Variants in LCOR observed in about 807,000 individuals in gnomAD.
The protein encoded by LCOR is ligand-dependent corepressor.
In LCOR, 14 loss-of-function variants were observed where a neutral mutation model predicts 64.4. The observed-to-expected ratio is 0.22, with a 90% CI of 0.14 to 0.34. LCOR has a LOEUF of 0.34. LCOR is among the 10% of genes least tolerant of loss of function. LCOR has a pLI of 1.00. For synonymous variants in LCOR, 643 were observed against 642.5 expected (o/e 1.00, Z -0.01); for missense variants, 1,686 against 1,765.3 (o/e 0.96, Z 0.80).
At position 96,982,496 on chromosome 10, in the gene LCOR, G is replaced by C; in HGVS notation, c.2036G>C (p.Gly679Ala). 6.2e-7 allele frequency: 1 copy of C among 1,614,152 alleles called. No individual in the cohort carries two copies. Among genetic ancestry groups the C allele is most frequent in the Non-Finnish European group, 8.5e-7 (1 of 1,180,042 alleles). ...HLLPSTESFSGGVSEDVISRP... is the reference protein window; with the variant it reads ...HLLPSTESFSAGVSEDVISRP... ...CTTCCCTCCACTGAAAGCTTTTCCG[G>C]GGGAGTCAGTGAAGATGTCATTTCT... The change falls in exon 8 of 8, where the codon GGG (glycine) becomes GCG (alanine). Residue 679 changes from glycine (G) to alanine (A), a missense_variant. This residue lies in a region of LCOR where 1,293 missense variants were observed against 1,410.4 expected (regional missense o/e 0.92). Transcript: ENST00000421806.
intron 7 of LCOR, chr10:96,959,625 G>C (rs1437875973): frequency 6.6e-6 from 1 of 152,086 alleles, no homozygotes; most frequent in African/African-American, 2.4e-5. Flanking sequence ...AAGTGACTCT[G>C]AATTATGTTT....
At chr10:96,912,833 C>G (rs1435293350) in intron 4 of LCOR, among the ~76,000 whole-genome samples, 1 of 151,766 alleles carries the variant, frequency 6.6e-6, no homozygotes, top group Non-Finnish European at 1.5e-5. Context: ...TCCATAATTT[C>G]TTCTACATTT....
chr10:96,958,658 A>G, intron 7 of LCOR: 1 of 550,792 alleles, frequency 1.8e-6, no homozygotes, highest in Middle Eastern at 4.9e-4. Flanking sequence ...TTTAAACATT[A>G]CACTTGAGAT....
intron 2 of LCOR, among the ~76,000 whole-genome samples, chr10:96,837,866 GA>G (rs1461643835): frequency 2.6e-5 from 4 of 152,306 alleles, no homozygotes; most frequent in African/African-American, 9.6e-5. Context: ...ATGTGCCTCT[GA>G]ACCTCTCTCT....
chr10:96,981,142 C>T lies in LCOR; in HGVS notation c.682C>T (p.Pro228Ser). 1.4e-6 allele frequency: 1 copy of T among 707,368 alleles called. No homozygotes were observed. The highest frequency in any genetic ancestry group is 2.6e-6 in the Non-Finnish European group (1 of 388,974). The allele number at this position is 707,368 out of a possible 1,614,324, so 43.8% of individuals were successfully genotyped here. The change falls in exon 8 of 8, where the codon CCT (proline) becomes TCT (serine). Residue 228 changes from proline (P) to serine (S), a missense_variant. Pro to Ser is a moderately conservative substitution (Grantham distance 74). This residue lies in a region of LCOR where 313 missense variants were observed against 247.2 expected (regional missense o/e 1.27). Coordinates refer to ENST00000421806, the MANE Select transcript of LCOR (RefSeq NM_001346516.2). ...GGAACAGACCCCGAAGAAGCCTCCTCCTGAGATAAACCCTGTAGATGGAAG... is the reference window on the plus strand; with the variant it reads ...GGAACAGACCCCGAAGAAGCCTCCTTCTGAGATAAACCCTGTAGATGGAAG... Reference protein sequence around the residue: ...LTEQTPKKPPPEINPVDGREN... With the variant: ...LTEQTPKKPPSEINPVDGREN...
chr10:96,834,879 G>GTGTTTT (rs899218254), intron 2 of LCOR, among the ~76,000 whole-genome samples: 14 of 152,060 alleles, frequency 9.2e-5, no homozygotes, highest in South Asian at 6.2e-4. Context: ...TTGACAAGAT[G>GTGTTTT]TGTTTTTGTT....
intron 2 of LCOR, among the ~76,000 whole-genome samples, chr10:96,874,266 T>G (rs527238424): frequency 6.6e-6 from 1 of 152,344 alleles, no homozygotes; most frequent in Admixed American, 6.5e-5. Flanking sequence ...TCATTAAAGA[T>G]TCTTCTGATT....
At chr10:96,863,858 C>A (rs1019809376) in intron 2 of LCOR, among the ~76,000 whole-genome samples, 1 of 152,160 alleles carries the variant, frequency 6.6e-6, no homozygotes, top group African/African-American at 2.4e-5. Context: ...ATGATGCTAT[C>A]TTTTGTCTCT....
chr10:96,872,500 C>G (rs1307762470), intron 2 of LCOR, among the ~76,000 whole-genome samples: 2 of 152,104 alleles, frequency 1.3e-5, no homozygotes, highest in African/African-American at 2.4e-5. Context: ...CGACACCAGC[C>G]TGGGCAACAT....
intron 2 of LCOR, among the ~76,000 whole-genome samples, chr10:96,880,917 C>CA (rs1846251866): frequency 6.6e-6 from 1 of 152,100 alleles, no homozygotes; most frequent in Non-Finnish European, 1.5e-5. Flanking sequence ...TCAAGTCTTT[C>CA]AAGAATCAAA....
intron 7 of LCOR, among the ~76,000 whole-genome samples, chr10:96,966,158 G>T (rs12241564): frequency 0.1 from 14,552 of 140,358 alleles, 830 homozygotes; most frequent in African/African-American, 0.14. Context: ...TGGAGAAAAT[G>T]GAAACTTTTT....
intron 7 of LCOR, chr10:96,963,284 CTA>C (rs1169397834): frequency 1.3e-5 from 2 of 152,092 alleles, no homozygotes; most frequent in Non-Finnish European, 2.9e-5. Flanking sequence ...CACAGTTAAA[CTA>C]TATATTTTTA....
chr10:96,976,643 TAG>T (rs1306756586), intron 7 of LCOR, among the ~76,000 whole-genome samples: 3 of 152,222 alleles, frequency 2.0e-5, no homozygotes, highest in Non-Finnish European at 2.9e-5. Flanking sequence ...AGCAGCAGAT[TAG>T]AGTCTCACAA....
intron 4 of LCOR, among the ~76,000 whole-genome samples, chr10:96,933,383 A>G (rs1485909114): frequency 6.6e-6 from 1 of 152,244 alleles, no homozygotes; most frequent in African/African-American, 2.4e-5. Flanking sequence ...GAAACTATAG[A>G]TGATTGTGGC....
intron 7 of LCOR, among the ~76,000 whole-genome samples, chr10:96,978,434 T>G (rs905885563): frequency 2.6e-5 from 4 of 152,272 alleles, no homozygotes; most frequent in African/African-American, 9.6e-5. Context: ...CTTTCGTCTT[T>G]TCTTTCCTTT....
intron 4 of LCOR, among the ~76,000 whole-genome samples, chr10:96,918,952 G>A (rs1589655178): frequency 1.3e-5 from 2 of 152,178 alleles, no homozygotes; most frequent in South Asian, 4.1e-4. Context: ...AAAAGGTAAA[G>A]TTTCAAGAAA....
chr10:96,893,231 T>C (rs955834281), intron 2 of LCOR, among the ~76,000 whole-genome samples: 2 of 152,200 alleles, frequency 1.3e-5, no homozygotes, highest in African/African-American at 4.8e-5. Flanking sequence ...CTTTATGCAT[T>C]GTTTGTCCAT....
Position 96,981,680 on chromosome 10 carries a change from A to G in LCOR, c.1220A>G (p.His407Arg), listed in dbSNP as rs1027151757. 10 of 1,614,092 alleles carry G rather than the reference A, an allele frequency of 6.2e-6. No individual in the cohort carries two copies. The highest frequency in any genetic ancestry group is 8.5e-6 in the Non-Finnish European group (10 of 1,180,048). Reference sequence around the variant, plus strand: ...CTGGGAAGAAATAAGGTGGGTTACCATTTACATCCCAGTGATAAGGGCCAG... The same window carrying G: ...CTGGGAAGAAATAAGGTGGGTTACCGTTTACATCCCAGTGATAAGGGCCAG... Reference protein sequence around the residue: ...HSLGRNKVGYHLHPSDKGQFD... With the variant: ...HSLGRNKVGYRLHPSDKGQFD... The change falls in exon 8 of 8, where the codon CAT (histidine) becomes CGT (arginine). Residue 407 changes from histidine (H) to arginine (R), a missense_variant. Transcript: ENST00000421806.
intron 7 of LCOR, among the ~76,000 whole-genome samples, chr10:96,969,774 C>CTTTTTTTTTTTTTTTTTTTTT (rs58881683): frequency 2.4e-5 from 3 of 124,114 alleles, no homozygotes; most frequent in Admixed American, 8.1e-5. Context: ...TTTTTTTTTT[C>CTTTTTTTTTTTTTTTTTTTTT]TTTTTTTTTT....
Sources: allele counts gnomAD v4.1 joint callset (sites outside exome capture counted in the v4.1 genomes callset), GRCh38; gene constraint gnomAD v4.1.1; regional missense constraint gnomAD v4.1.1; transcripts MANE v1.5; gene names NCBI Gene and HGNC (gene_info 2026-07-23, HGNC 2026-07-21).